ANKRD31: variants seen among roughly 807,000 people sequenced by gnomAD.
ANKRD31 encodes ankyrin repeat domain 31.
ANKRD31 carries 147 observed loss-of-function variants against 186.0 expected under a neutral mutation model. The ratio of observed to expected loss-of-function variants is 0.79; its 90% CI spans 0.69 to 0.91. The LOEUF (loss-of-function observed/expected upper bound fraction) is 0.91. Among genes scored for constraint, ANKRD31 ranks in the 40% least tolerant of loss-of-function variants. The probability of loss-of-function intolerance (pLI) is 0.00; values close to 1 mark genes in which losing one functional copy is unlikely to be tolerated. For synonymous variants in ANKRD31, 673 were observed against 736.4 expected (o/e 0.91, Z 1.39); for missense variants, 1,986 against 2,148.8 (o/e 0.92, Z 1.50).
intron 1 of ANKRD31, 58 bp from the exon 2 acceptor site, chr5:75,230,693 C>A: frequency 1.6e-6 from 2 of 1,275,696 alleles, no homozygotes; most frequent in Non-Finnish European, 2.2e-6. Context: ...CAAAGACTAA[C>A]ATTTTACCCA....
At chr5:75,148,553 T>C (rs1751632816) in intron 13 of ANKRD31, 23 bp downstream of exon 13, 1 of 1,463,004 alleles carries the variant, frequency 6.8e-7, no homozygotes, top group African/African-American at 1.4e-5. Flanking sequence ...TATAAAAATG[T>C]TTATTACTAA....
chr5:75,138,165 TTA>T (rs747908268), intron 16 of ANKRD31, among the ~76,000 whole-genome samples, 167 bp from the exon 17 acceptor site: 11 of 152,146 alleles, frequency 7.2e-5, no homozygotes, highest in Non-Finnish European at 1.5e-4. Flanking sequence ...GACTTATAAT[TTA>T]TGTTTAATTT....
chr5:75,192,151 A>G (rs555587229), intron 9 of ANKRD31, among the ~76,000 whole-genome samples: 2 of 152,216 alleles, frequency 1.3e-5, no homozygotes, highest in South Asian at 4.1e-4. Context: ...CAAATTCAGA[A>G]AACTTACCTC....
chr5:75,092,653 A>G (rs1385468309), intron 22 of ANKRD31, among the ~76,000 whole-genome samples: 3 of 152,322 alleles, frequency 2.0e-5, no homozygotes, highest in Middle Eastern at 3.4e-3. Context: ...GAGTTGCTAC[A>G]ATGCATTGTC....
rs1353096849 is a variant in ANKRD31, at chr5:75,154,325, CAGA to C, written c.1725_1727del (p.Leu576del). The C allele has an allele frequency of 3.9e-6, 6 of 1,532,300 alleles. No individual in the cohort carries two copies. In the African/African-American group the frequency reaches 4.1e-5, roughly 11 times the overall value. The allele number at this position is 1,532,300 out of a possible 1,614,324, so 94.9% of individuals were successfully genotyped here. ...TTCTAAATAATGGATCAGCTCCATT[CAGA>C]AGAAGTAACTCTGCCACCTAGAAAA... On this transcript the variant is annotated inframe_deletion, in exon 12 of 26. Transcript: ENST00000506364.
chr5:75,188,484 C>G lies in ANKRD31; in HGVS notation c.1564+9G>C. 6.5e-7 allele frequency: 1 copy of G among 1,531,988 alleles called. No individual in the cohort carries two copies. The highest frequency in any genetic ancestry group is 1.2e-5 in the South Asian group (1 of 82,832). The allele number at this position is 1,531,988 out of a possible 1,614,324, so 94.9% of individuals were successfully genotyped here. On this transcript the variant is annotated intron_variant, in intron 10 of 25. Coordinates refer to ENST00000506364, the MANE Select transcript of ANKRD31 (RefSeq NM_001372053.1). ...CTTAAGGTAACTGTGGGTGGTAATC[C>G]TAACTTACCAGCATAACTTGGCTGA...
At chr5:75,236,472 C>G in intron 1 of ANKRD31, 111 bp downstream of exon 1, 1 of 872,790 alleles carries the variant, frequency 1.1e-6, no homozygotes, top group Non-Finnish European at 1.7e-6. Flanking sequence ...TGATCCTGCC[C>G]ACAAGCACAT....
chr5:75,176,931 C>T (rs1753854942), intron 10 of ANKRD31, among the ~76,000 whole-genome samples: 1 of 152,080 alleles, frequency 6.6e-6, no homozygotes, highest in South Asian at 2.1e-4. Context: ...GATCAAACTA[C>T]TCCGAGCTAA....
intron 10 of ANKRD31, among the ~76,000 whole-genome samples, chr5:75,170,202 T>A (rs1353682507): frequency 2.0e-5 from 3 of 152,170 alleles, no homozygotes; most frequent in Non-Finnish European, 4.4e-5. Flanking sequence ...ATGGACTATA[T>A]GTATTCAATG....
At chr5:75,139,777 C>T (rs964766007) in intron 15 of ANKRD31, among the ~76,000 whole-genome samples, 1 of 152,136 alleles carries the variant, frequency 6.6e-6, no homozygotes, top group African/African-American at 2.4e-5. Flanking sequence ...GCACTCCACA[C>T]TTGGGGAAAT....
chr5:75,136,645 C>G (rs1288920346), intron 17 of ANKRD31, among the ~76,000 whole-genome samples: 1 of 152,176 alleles, frequency 6.6e-6, no homozygotes, highest in Non-Finnish European at 1.5e-5. Flanking sequence ...ACCATTTGAC[C>G]TAGCCATCCC....
intron 17 of ANKRD31, among the ~76,000 whole-genome samples, chr5:75,121,114 C>A (rs1465014294): frequency 6.7e-6 from 1 of 149,808 alleles, no homozygotes. Flanking sequence ...ACCTGGGAGG[C>A]AGAGGTTGCA....
At chr5:75,162,350 G>T (rs1490846623) in intron 11 of ANKRD31, among the ~76,000 whole-genome samples, 1 of 152,170 alleles carries the variant, frequency 6.6e-6, no homozygotes, top group Non-Finnish European at 1.5e-5. Context: ...CTTGCATAGG[G>T]CCTGTAGCCC....
intron 7 of ANKRD31, among the ~76,000 whole-genome samples, chr5:75,194,555 A>C (rs948676179): frequency 6.6e-6 from 1 of 152,144 alleles, no homozygotes; most frequent in African/African-American, 2.4e-5. Flanking sequence ...AATCTTCACA[A>C]GGATGTTCAC....
chr5:75,166,149 A>T (rs944127389), intron 11 of ANKRD31, among the ~76,000 whole-genome samples: 3 of 152,176 alleles, frequency 2.0e-5, no homozygotes, highest in African/African-American at 7.2e-5. Flanking sequence ...ACCACATAAT[A>T]TAATGTATAA....
At chr5:75,077,931 CAAAAAAAA>C (rs56910458) in intron 25 of ANKRD31, among the ~76,000 whole-genome samples, 1 of 66,732 alleles carries the variant, frequency 1.5e-5, no homozygotes, top group African/African-American at 5.7e-5. Context: ...GACTCCGTCT[CAAAAAAAA>C]AAAAAAAAAA....
intron 2 of ANKRD31, among the ~76,000 whole-genome samples, chr5:75,223,692 G>A (rs1329112798): frequency 6.6e-6 from 1 of 152,144 alleles, no homozygotes; most frequent in Non-Finnish European, 1.5e-5. Context: ...TCGACTGAAT[G>A]TCTGTGCACA....
intron 4 of ANKRD31, among the ~76,000 whole-genome samples, chr5:75,207,411 C>A (rs1431833444): frequency 6.6e-6 from 1 of 151,964 alleles, no homozygotes; most frequent in African/African-American, 2.4e-5. Context: ...CCCTTAATTG[C>A]AAGAGTATTT....
chr5:75,163,363 G>A (rs1451138324), intron 11 of ANKRD31, among the ~76,000 whole-genome samples: 1 of 152,186 alleles, frequency 6.6e-6, no homozygotes, highest in Non-Finnish European at 1.5e-5. Context: ...CCCATGTGGG[G>A]CAACGTGGGG....
Sources: gnomAD v4.1 joint callset for allele counts (sites outside exome capture counted in the v4.1 genomes callset) on GRCh38, gnomAD v4.1.1 for gene constraint, MANE v1.5 for transcripts, NCBI Gene and HGNC (gene_info 2026-07-23, HGNC 2026-07-21) for gene names.